TUFT1: variants seen among roughly 807,000 people sequenced by gnomAD.
TUFT1 encodes the protein tuftelin 1, also known as tuftelin.
A neutral mutation model predicts 57.8 loss-of-function variants in TUFT1; 43 were observed. The observed-to-expected ratio is 0.74, with a 90% CI of 0.58 to 0.96. The LOEUF (loss-of-function observed/expected upper bound fraction) is 0.96, where lower values mean the gene tolerates loss of function less well. Among genes scored for constraint, TUFT1 ranks in the 40% least tolerant of loss-of-function variants. The pLI is 0.00. For missense variants in TUFT1, 459 were observed against 489.0 expected (o/e 0.94, Z 0.58); for synonymous variants, 166 against 176.7 (o/e 0.94, Z 0.48).
intron 2 of TUFT1, 27 bp from the exon 3 acceptor site, chr1:151,562,558 C>G (rs1665929643): frequency 9.0e-6 from 14 of 1,558,374 alleles, no homozygotes; most frequent in African/African-American, 1.4e-5. Context: ...CTCTCTCTCT[C>G]TCTCTCTCTC....
In TUFT1 at chr1:151,540,395, T is replaced by C; in HGVS notation, c.29T>C (p.Leu10Pro). ...AACGGGACGCGGAACTGGTGTACCCTGGTGGACGTGCACCCAGAGGACCAG... is the reference window on the plus strand; with the variant it reads ...AACGGGACGCGGAACTGGTGTACCCCGGTGGACGTGCACCCAGAGGACCAG... MNGTRNWCT[L>P]VDVHPEDQAA... Residue 10 changes from leucine to proline, a missense_variant, in exon 1 of 13, where the codon CTG (leucine) becomes CCG (proline). By Grantham distance (98) the Leu-to-Pro change is moderately conservative. Transcript: ENST00000368849. 1 of 1,614,170 alleles carries C rather than the reference T, an allele frequency of 6.2e-7. No homozygotes were observed. The highest frequency in any genetic ancestry group is 8.5e-7 in the Non-Finnish European group (1 of 1,179,990).
At position 151,582,198 on chromosome 1, in the gene TUFT1, C is replaced by G. The variant is rs948893308; in HGVS notation, c.*491C>G. 7 of 456,612 alleles carry G rather than the reference C, an allele frequency of 1.5e-5. No homozygotes were observed. The highest frequency in any genetic ancestry group is 1.1e-4 in the South Asian group (7 of 64,570). 28.3% of individuals were successfully genotyped at this position (456,612 alleles called of 1,614,324 possible). On this transcript the variant is annotated 3_prime_UTR_variant, in exon 13 of 13. Coordinates refer to ENST00000368849, the MANE Select transcript of TUFT1 (RefSeq NM_020127.3). ...CAAACTGTTTGTTTTTCTACTTGCT[C>G]CATCTGCAGCCTACGCTGCCCTGGC...
chr1:151,576,915 G>A (rs942860273), intron 9 of TUFT1, among the ~76,000 whole-genome samples: 2 of 152,086 alleles, frequency 1.3e-5, no homozygotes, highest in South Asian at 2.1e-4. Context: ...ATGAGCCACC[G>A]CGCCTGGACT....
rs1349446881 is a variant in TUFT1, at chr1:151,582,770, G to A, written c.*1063G>A. On this transcript the variant is annotated 3_prime_UTR_variant, in exon 13 of 13. Coordinates refer to ENST00000368849, the MANE Select transcript of TUFT1 (RefSeq NM_020127.3). ...TAAGGAAGGTGAGTCTACTTTCCCT[G>A]AGGCTTTGGGGTCAGAGTATATGTT... 1 of 154,020 alleles carries A rather than the reference G, an allele frequency of 6.5e-6. No individual in the cohort carries two copies. Among genetic ancestry groups the A allele is most frequent in the African/African-American group, 2.4e-5 (1 of 41,382 alleles). 9.5% of individuals were successfully genotyped at this position (154,020 alleles called of 1,614,324 possible). A position where few individuals can be genotyped will look rare whatever the true frequency, so the allele number is the denominator to read the frequency against.
intron 9 of TUFT1, among the ~76,000 whole-genome samples, chr1:151,576,439 C>G (rs2102555159): frequency 6.6e-6 from 1 of 152,276 alleles, no homozygotes; most frequent in South Asian, 2.1e-4. Context: ...AGAGTTAGTG[C>G]AGAACCACAG....
At chr1:151,545,305 C>A (rs1462593112) in intron 1 of TUFT1, among the ~76,000 whole-genome samples, 1 of 151,984 alleles carries the variant, frequency 6.6e-6, no homozygotes, top group African/African-American at 2.4e-5. Flanking sequence ...AGTGAAACTC[C>A]GTCTCAAACA....
At position 151,579,661 on chromosome 1, in the gene TUFT1, A is replaced by G. The variant is rs1254978626; in HGVS notation, c.937A>G (p.Lys313Glu). Residue 313 changes from lysine to glutamate, a missense_variant, in exon 11 of 13, where the codon AAA (lysine) becomes GAA (glutamate). By Grantham distance (56) the Lys-to-Glu change is moderately conservative. Coordinates refer to ENST00000368849, the MANE Select transcript of TUFT1 (RefSeq NM_020127.3). ...CACACCTTTGCAGCTCCAGAATTCA[A>G]AAGCTGTGATCCAGTCAAAGGACGC... ...RQMIEQLQNSKAVIQSKDATI... is the reference protein window; with the variant it reads ...RQMIEQLQNSEAVIQSKDATI... 6.2e-7 allele frequency: 1 copy of G among 1,614,084 alleles called. No individual in the cohort carries two copies. Among genetic ancestry groups the G allele is most frequent in the Non-Finnish European group, 8.5e-7 (1 of 1,179,990 alleles).
rs111631394 is a variant in TUFT1 at position 151,540,637 on chromosome 1, G to A, written c.60+211G>A. On this transcript the variant is annotated intron_variant, in intron 1 of 12. Coordinates refer to ENST00000368849, the MANE Select transcript of TUFT1 (RefSeq NM_020127.3). Reference sequence around the variant, plus strand: ...ACTCCTTTGAGGCTGGAGGGTTCGGGGCGTCCCTGCCCTTTGGTAGGACAC... The same window carrying A: ...ACTCCTTTGAGGCTGGAGGGTTCGGAGCGTCCCTGCCCTTTGGTAGGACAC... 3.1e-3 allele frequency: 1,857 copies of A among 594,988 alleles called. 21 individuals are homozygous for A. The highest frequency in any genetic ancestry group is 0.015 in the African/African-American group (791 of 53,572). 36.9% of individuals were successfully genotyped at this position (594,988 alleles called of 1,614,324 possible).
intron 9 of TUFT1, 50 bp from the exon 10 acceptor site, chr1:151,578,671 A>G: frequency 2.0e-6 from 3 of 1,469,086 alleles, no homozygotes; most frequent in African/African-American, 2.8e-5. Context: ...GTGACTGGGT[A>G]AATAAGTGAT....
chr1:151,543,340 TGTG>T (rs1665228604), intron 1 of TUFT1, among the ~76,000 whole-genome samples: 3 of 151,610 alleles, frequency 2.0e-5, no homozygotes, highest in Admixed American at 2.0e-4. Context: ...TGTGTGTGTG[TGTG>T]TGTGTGTGTG....
chr1:151,559,206 A>G (rs1665804967), intron 1 of TUFT1, among the ~76,000 whole-genome samples: 1 of 152,200 alleles, frequency 6.6e-6, no homozygotes, highest in Non-Finnish European at 1.5e-5. Flanking sequence ...CCTAGATGTC[A>G]TGGAGCATTC....
chr1:151,567,954 AAAG>A (rs780178371), intron 6 of TUFT1, among the ~76,000 whole-genome samples: 24 of 152,288 alleles, frequency 1.6e-4, no homozygotes, highest in Admixed American at 2.0e-4. Flanking sequence ...CAGGAAAGTG[AAAG>A]AAGAAACAAA....
intron 7 of TUFT1, among the ~76,000 whole-genome samples, chr1:151,573,845 G>A (rs531943356): frequency 3.7e-4 from 56 of 152,318 alleles, no homozygotes; most frequent in Admixed American, 2.7e-3. Flanking sequence ...CTCTATTGCT[G>A]GAAGTGAGAG....
At chr1:151,567,106 G>A (rs1243106933) in intron 6 of TUFT1, among the ~76,000 whole-genome samples, 5 of 152,156 alleles carry the variant, frequency 3.3e-5, no homozygotes, top group Non-Finnish European at 1.5e-5. Context: ...AGATGGGGTT[G>A]CCCAGGCTGC....
At chr1:151,548,559 C>T (rs1311149484) in intron 1 of TUFT1, among the ~76,000 whole-genome samples, 1 of 152,152 alleles carries the variant, frequency 6.6e-6, no homozygotes, top group East Asian at 1.9e-4. Context: ...CCTTGGCCTC[C>T]CAAAGTGCTG....
At chr1:151,569,115 CG>C (rs2102546196) in intron 6 of TUFT1, among the ~76,000 whole-genome samples, 1 of 152,310 alleles carries the variant, frequency 6.6e-6, no homozygotes, top group African/African-American at 2.4e-5. Flanking sequence ...GAATCAGATT[CG>C]TGGACTCATT....
Position 151,574,344 on chromosome 1 carries a change from G to A in TUFT1, c.669G>A (p.Glu223=). Reference sequence around the variant, plus strand: ...TTCAGAGAGAGGAGGACAGAGTGGAGCAGAAAGAGGCAGAAGTCGGAGAGC... The same window carrying A: ...TTCAGAGAGAGGAGGACAGAGTGGAACAGAAAGAGGCAGAAGTCGGAGAGC... ...VALQREEDRV[E]QKEAEVGELQ... Residue 223 remains glutamate (E), a synonymous_variant, in exon 8 of 13, where the codon GAG becomes GAA. Transcript: ENST00000368849. 1 of 1,614,204 alleles carries A rather than the reference G, an allele frequency of 6.2e-7. No homozygotes were observed. The highest frequency in any genetic ancestry group is 1.3e-5 in the African/African-American group (1 of 75,042).
intron 1 of TUFT1, 101 bp downstream of exon 1, chr1:151,540,527 C>A: frequency 7.2e-7 from 1 of 1,382,054 alleles, no homozygotes; most frequent in Non-Finnish European, 1.0e-6. Context: ...TCACCTGGTG[C>A]CCGGCTCGCG....
intron 1 of TUFT1, 147 bp downstream of exon 1, chr1:151,540,573 C>A: frequency 1.2e-6 from 1 of 858,126 alleles, no homozygotes; most frequent in South Asian, 1.6e-5. Flanking sequence ...TCTTTTTATT[C>A]TTTTGCCTGC....
Sources: gnomAD v4.1 joint callset for allele counts (sites outside exome capture counted in the v4.1 genomes callset) on GRCh38, gnomAD v4.1.1 for gene constraint, MANE v1.5 for transcripts, NCBI Gene and HGNC (gene_info 2026-07-23, HGNC 2026-07-21) for gene names.